The following ZFP14 variants were observed in gnomAD, a reference collection of about 807,000 sequenced individuals.
ZFP14 encodes ZFP14 zinc finger protein.
In ZFP14, 22 loss-of-function variants were observed where a neutral mutation model predicts 54.5. That is an observed-to-expected ratio of 0.40 (90% confidence interval 0.29 to 0.58). The LOEUF is 0.58. Ranked by LOEUF, ZFP14 falls within the 20% of genes least tolerant of loss-of-function variation. The pLI is 0.39. For synonymous variants in ZFP14, 159 were observed against 204.0 expected (o/e 0.78, Z 1.88); for missense variants, 470 against 637.8 (o/e 0.74, Z 2.83).
chr19:36,361,576 C>T (rs1344948674), intron 3 of ZFP14, among the ~76,000 whole-genome samples: 1 of 152,058 alleles, frequency 6.6e-6, no homozygotes, highest in Non-Finnish European at 1.5e-5. Context: ...ACTCTGTCGC[C>T]CAGGCTGGAA....
intron 4 of ZFP14, among the ~76,000 whole-genome samples, chr19:36,349,241 AACAAAAAAAAAAAAAC>A (rs1289489325): frequency 0.074 from 2,968 of 40,340 alleles, 282 homozygotes; most frequent in Non-Finnish European, 0.11. Flanking sequence ...CAAAAAAAAA[AACAAAAAAAAAAAAAC>A]AAAAAAAAAA....
At chr19:36,367,792 G>C in intron 2 of ZFP14, 92 bp downstream of exon 2, 3 of 1,458,396 alleles carry the variant, frequency 2.1e-6, no homozygotes, top group South Asian at 2.7e-5. Context: ...TGAAGCTCTG[G>C]TAAGCAGGAA....
Position 36,340,689 on chromosome 19 carries a change from T to C in ZFP14, c.1137A>G (p.Leu379=). ...ECKECGKTFR[L]RQQLVRHQRI... ...TCTGATGGCGAACTAGTTGTTGTCT[T>C]AATCTAAAAGTCTTCCCACATTCCT... The change falls in exon 5 of 5, where the codon TTA becomes TTG. Residue 379 remains leucine (L), a synonymous_variant. Coordinates refer to ENST00000270001, the MANE Select transcript of ZFP14 (RefSeq NM_020917.3). This position sits in a 1 kb window ranked among gnomAD's most constrained non-coding sequence, Gnocchi z 5.4. The C allele has an allele frequency of 6.2e-7, 1 of 1,613,672 alleles. No individual in the cohort carries two copies. Among genetic ancestry groups the C allele is most frequent in the Non-Finnish European group, 8.5e-7 (1 of 1,179,848 alleles).
Position 36,351,901 on chromosome 19 carries a change from C to T in ZFP14, c.235+8534G>A, listed in dbSNP as rs552141159. On this transcript the variant is annotated intron_variant, in intron 4 of 4. Transcript: ENST00000270001. ...ATTTTTTAAAGATTCTATTAAGATC[C>T]GGCCGGGTGTGGTGGCTCACGCCTG... 1.1e-4 allele frequency among the ~76,000 whole-genome samples: 16 copies of T among 141,594 alleles called. 3 individuals are homozygous for T. The East Asian group carries it at 1.9e-3, about 17-fold the overall frequency. 92.9% of individuals were successfully genotyped at this position (141,594 alleles called of 152,430 possible). A position where few individuals can be genotyped will look rare whatever the true frequency, so the allele number is the denominator to read the frequency against.
chr19:36,366,414 G>T (rs2031795978), intron 2 of ZFP14, among the ~76,000 whole-genome samples: 1 of 152,146 alleles, frequency 6.6e-6, no homozygotes, highest in Non-Finnish European at 1.5e-5. Context: ...CACCTCCCGA[G>T]CTCTAGTCAT....
Position 36,340,833 on chromosome 19 carries a change from C to T in ZFP14, c.993G>A (p.Gln331=). 6.2e-7 allele frequency: 1 copy of T among 1,613,526 alleles called. No individual in the cohort carries two copies. Among genetic ancestry groups the T allele is most frequent in the South Asian group, 1.1e-5 (1 of 91,040 alleles). The stretch of plus-strand genomic sequence containing the variant: ...AGGGTTTCTCACCAAAATGAATTTT[C>T]TGATGTACTCTAAGGTCTGGACCAC... ...FVCGPDLRVH[Q]KIHFGEKPYE... Residue 331 remains glutamine, a synonymous_variant, in exon 5 of 5, where the codon CAG becomes CAA. Coordinates refer to ENST00000270001, the MANE Select transcript of ZFP14 (RefSeq NM_020917.3). This position sits in a 1 kb window ranked among gnomAD's most constrained non-coding sequence, Gnocchi z 5.4.
chr19:36,341,405 C>G lies in ZFP14; in HGVS notation c.421G>C (p.Gly141Arg). The G allele has an allele frequency of 6.2e-7, 1 of 1,613,842 alleles. No homozygotes were observed. The highest frequency in any genetic ancestry group is 1.3e-5 in the African/African-American group (1 of 75,000). The change falls in exon 5 of 5, where the codon GGG becomes CGG. Residue 141 changes from glycine (G) to arginine (R), a missense_variant. Physicochemically the swap from Gly to Arg is moderately radical, Grantham distance 125. Coordinates refer to ENST00000270001, the MANE Select transcript of ZFP14 (RefSeq NM_020917.3). The surrounding 1 kb of genome is among the most constrained non-coding windows in gnomAD (Gnocchi z 4.2). ...GEKEQQEGYF[G>R]QVKITSEKMT... ...TTTTCAGAGGTAATTTTCACTTGCC[C>G]AAAATATCCCTCTTGTTGTTCCTTT... is the stretch of plus-strand genomic sequence containing the variant.
intron 4 of ZFP14, among the ~76,000 whole-genome samples, chr19:36,349,232 A>G (rs2031474241): frequency 2.8e-5 from 1 of 35,474 alleles, no homozygotes; most frequent in Non-Finnish European, 5.0e-5. Flanking sequence ...ACTCTGTCTC[A>G]AAAAAAAAAA....
In ZFP14 at chr19:36,341,480, C is replaced by A; in HGVS notation, c.346G>T (p.Gly116Cys). Residue 116 changes from glycine (G) to cysteine (C), a missense_variant, in exon 5 of 5, where the codon GGT (glycine) becomes TGT (cysteine). Gly to Cys is a radical substitution (Grantham distance 159). Coordinates refer to ENST00000270001, the MANE Select transcript of ZFP14 (RefSeq NM_020917.3). This position sits in a 1 kb window ranked among gnomAD's most constrained non-coding sequence, Gnocchi z 4.2. Reference protein sequence around the residue: ...MERIKSYSLQGSIFRNDWECK... With the variant: ...MERIKSYSLQCSIFRNDWECK... ...TCCCAATCATTCCTAAAAATGGAAC[C>A]CTGAAGGCTATAGCTTTTAATTCTT... 1.2e-6 allele frequency: 2 copies of A among 1,613,968 alleles called. No individual in the cohort carries two copies.
At position 36,335,363 on chromosome 19, in the gene ZFP14, T is replaced by G. The variant is rs1023905688; in HGVS notation, c.*4861A>C. 1 of 152,154 alleles carries G rather than the reference T, an allele frequency of 6.6e-6. No homozygotes were observed. Among genetic ancestry groups the G allele is most frequent in the African/African-American group, 2.4e-5 (1 of 41,436 alleles). 9.4% of individuals were successfully genotyped at this position (152,154 alleles called of 1,614,324 possible). A position where few individuals can be genotyped will look rare whatever the true frequency, so the allele number is the denominator to read the frequency against. ...ACACTGACCTATTAGCAAAGATAGA[T>G]TTTGTAATAAATTCTAAATAAACTT... On this transcript the variant is annotated 3_prime_UTR_variant, in exon 5 of 5. Coordinates refer to ENST00000270001, the MANE Select transcript of ZFP14 (RefSeq NM_020917.3).
intron 1 of ZFP14, among the ~76,000 whole-genome samples, chr19:36,371,242 G>C (rs760292476): frequency 6.6e-6 from 1 of 151,736 alleles, no homozygotes; most frequent in Non-Finnish European, 1.5e-5. Context: ...CAGCCTGGGC[G>C]ACAGAGCGAG....
rs778579230 is a variant in ZFP14, at chr19:36,340,597, TGTGA to T, written c.1225_1228del (p.Gln410LeufsTer143). The T allele has an allele frequency of 6.2e-7, 1 of 1,614,016 alleles. No individual in the cohort carries two copies. The highest frequency in any genetic ancestry group is 8.5e-7 in the Non-Finnish European group (1 of 1,180,008). ...ATGAATGCTCTGGTGTGAAATAAGC[TGTGA>T]GTAACTACTAAAGGTCTTCCAACAT... On this transcript the variant is annotated frameshift_variant, in exon 5 of 5. Transcript: ENST00000270001. LOFTEE classifies it high-confidence loss of function. The surrounding 1 kb of genome is among the most constrained non-coding windows in gnomAD (Gnocchi z 5.4).
In ZFP14 at chr19:36,341,226, AT is replaced by A; in HGVS notation, c.599del (p.Tyr200LeufsTer180). 6.2e-7 allele frequency: 1 copy of A among 1,614,194 alleles called. No individual in the cohort carries two copies. Among genetic ancestry groups the A allele is most frequent in the Non-Finnish European group, 8.5e-7 (1 of 1,180,032 alleles). ...AGGCCTGCCCACATTCCTTACACTT[AT>A]AAGGTTTCTCACCAGTATGAATTCT... ...HLRIHTGEKP[Y>X]KCKECGQAFR... On this transcript the variant is annotated frameshift_variant, in exon 5 of 5. Coordinates refer to ENST00000270001, the MANE Select transcript of ZFP14 (RefSeq NM_020917.3). LOFTEE classifies it high-confidence loss of function. This position sits in a 1 kb window ranked among gnomAD's most constrained non-coding sequence, Gnocchi z 4.2.
At chr19:36,378,234 T>C (rs1403738851) in intron 1 of ZFP14, 3 of 152,196 alleles carry the variant, frequency 2.0e-5, no homozygotes, top group Non-Finnish European at 2.9e-5. Context: ...TAATGAGATA[T>C]TGAATGCAAT....
At position 36,340,414 on chromosome 19, in the gene ZFP14, T is replaced by C; in HGVS notation, c.1412A>G (p.Gln471Arg). The C allele has an allele frequency of 6.2e-7, 1 of 1,614,186 alleles. No homozygotes were observed. Among genetic ancestry groups the C allele is most frequent in the Non-Finnish European group, 8.5e-7 (1 of 1,180,034 alleles). ...FRLLSQLTQH[Q>R]SIHTGEKPYE... ...AGGTTTCTCACCAGTGTGAATACTC[T>C]GATGTTGGGTAAGTTGTGAGAGCAG... Residue 471 changes from glutamine to arginine, a missense_variant, in exon 5 of 5, where the codon CAG becomes CGG. Transcript: ENST00000270001. The surrounding 1 kb of genome is among the most constrained non-coding windows in gnomAD (Gnocchi z 5.4).
Position 36,341,004 on chromosome 19 carries a change from A to G in ZFP14, c.822T>C (p.His274=). The G allele has an allele frequency of 6.2e-7, 1 of 1,614,058 alleles. No homozygotes were observed. The highest frequency in any genetic ancestry group is 2.2e-5 in the East Asian group (1 of 44,864). ...AFRVHQQLAR[H]QRIHTGEKPY... ...GTTTCTCACCAGTGTGAATTCTCTG[A>G]TGTCGAGCCAGTTGCTGATGTACTC... Residue 274 remains histidine, a synonymous_variant, in exon 5 of 5, where the codon CAT becomes CAC. Coordinates refer to ENST00000270001, the MANE Select transcript of ZFP14 (RefSeq NM_020917.3). This position sits in a 1 kb window ranked among gnomAD's most constrained non-coding sequence, Gnocchi z 4.2.
intron 1 of ZFP14, among the ~76,000 whole-genome samples, chr19:36,369,965 G>C (rs150635520): frequency 6.6e-6 from 1 of 152,126 alleles, no homozygotes; most frequent in Non-Finnish European, 1.5e-5. Flanking sequence ...TTCCCAAGCA[G>C]TTGGGACTAT....
In ZFP14 at chr19:36,344,566, C is replaced by T. The variant is rs920539281; in HGVS notation, c.236-2976G>A. Among the ~76,000 whole-genome samples, 18 of 151,166 alleles carry T rather than the reference C, an allele frequency of 1.2e-4. 1 individual carries two copies. Among genetic ancestry groups the T allele is most frequent in the Admixed American group, 1.2e-3 (18 of 15,234 alleles). On this transcript the variant is annotated intron_variant, in intron 4 of 4. Coordinates refer to ENST00000270001, the MANE Select transcript of ZFP14 (RefSeq NM_020917.3). ...GCCTCTAATCTTTATACCAGAGGTCCCCAACCCCCAGGCCACAGACCAGTC... is the reference window on the plus strand; with the variant it reads ...GCCTCTAATCTTTATACCAGAGGTCTCCAACCCCCAGGCCACAGACCAGTC...
intron 4 of ZFP14, among the ~76,000 whole-genome samples, chr19:36,358,855 T>G (rs1169566554): frequency 2.0e-5 from 3 of 152,198 alleles, no homozygotes; most frequent in African/African-American, 4.8e-5. Flanking sequence ...TCTGCTCTCA[T>G]GAATGGATGA....
Sources: allele counts gnomAD v4.1 joint callset (sites outside exome capture counted in the v4.1 genomes callset), GRCh38; gene constraint gnomAD v4.1.1; non-coding constraint Gnocchi (gnomAD v3.1); transcripts MANE v1.5; gene names NCBI Gene and HGNC (gene_info 2026-07-23, HGNC 2026-07-21).